The following CDKAL1 variants were observed in gnomAD, a reference collection of about 807,000 sequenced individuals.
The protein encoded by CDKAL1 is threonylcarbamoyladenosine tRNA methylthiotransferase.
A neutral mutation model predicts 68.2 loss-of-function variants in CDKAL1; 32 were observed. The ratio of observed to expected loss-of-function variants is 0.47; its 90% CI spans 0.35 to 0.63. The LOEUF (loss-of-function observed/expected upper bound fraction) is 0.63, where lower values mean the gene tolerates loss of function less well. Ranked by LOEUF, CDKAL1 falls within the 30% of genes least tolerant of loss-of-function variation. The pLI is 0.00. For synonymous variants in CDKAL1, 234 were observed against 244.3 expected, an observed-to-expected ratio of 0.96 and a Z score of 0.39; for missense variants, 606 against 696.7, an observed-to-expected ratio of 0.87 and a Z score of 1.47.
At chr6:20,893,168 C>T (rs1465196238) in intron 9 of CDKAL1, among the ~76,000 whole-genome samples, 1 of 152,198 alleles carries the variant, frequency 6.6e-6, no homozygotes, top group Non-Finnish European at 1.5e-5. Flanking sequence ...CTTGGCATCA[C>T]AAAAGAAGCG....
chr6:20,843,913 G>A (rs1581686099), intron 8 of CDKAL1, among the ~76,000 whole-genome samples: 1 of 152,280 alleles, frequency 6.6e-6, no homozygotes, highest in East Asian at 1.9e-4. Flanking sequence ...GTGAATGCCA[G>A]TCATACGTGG....
At chr6:21,141,141 A>G (rs996708185) in intron 13 of CDKAL1, among the ~76,000 whole-genome samples, 1 of 152,098 alleles carries the variant, frequency 6.6e-6, no homozygotes, top group Non-Finnish European at 1.5e-5. Flanking sequence ...CACAAGCCTT[A>G]TATTTCACCA....
chr6:20,568,727 T>A (rs1161965173), intron 4 of CDKAL1, among the ~76,000 whole-genome samples: 2 of 111,216 alleles, frequency 1.8e-5, no homozygotes, highest in African/African-American at 7.1e-5. Flanking sequence ...AGAGCGAGAC[T>A]CCGCCTCAAA....
intron 9 of CDKAL1, among the ~76,000 whole-genome samples, chr6:20,941,353 A>G (rs1158182178): frequency 6.6e-6 from 1 of 152,106 alleles, no homozygotes; most frequent in Non-Finnish European, 1.5e-5. Flanking sequence ...TTGAGTCACT[A>G]AATTGGCATT....
At chr6:20,815,621 A>G (rs1018483395) in intron 8 of CDKAL1, among the ~76,000 whole-genome samples, 1 of 152,016 alleles carries the variant, frequency 6.6e-6, no homozygotes, top group South Asian at 2.1e-4. Flanking sequence ...TACACTTAAA[A>G]AAAAATTAGT....
At chr6:21,107,248 A>G (rs929951180) in intron 12 of CDKAL1, among the ~76,000 whole-genome samples, 2 of 152,040 alleles carry the variant, frequency 1.3e-5, no homozygotes, top group Non-Finnish European at 2.9e-5. Flanking sequence ...TGCCCGGCCA[A>G]AAAAGCCACT....
chr6:20,738,485 G>GTTTTTT (rs71712438), intron 5 of CDKAL1, among the ~76,000 whole-genome samples: 5 of 119,646 alleles, frequency 4.2e-5, no homozygotes, highest in African/African-American at 9.5e-5. Context: ...CTACTTCTTA[G>GTTTTTT]TTTTTTTTTT....
At chr6:20,665,320 T>C (rs1769480545) in intron 5 of CDKAL1, among the ~76,000 whole-genome samples, 1 of 145,912 alleles carries the variant, frequency 6.9e-6, no homozygotes, top group Non-Finnish European at 1.5e-5. Context: ...CTGAATGTGA[T>C]TAATATAAGG....
intron 7 of CDKAL1, among the ~76,000 whole-genome samples, chr6:20,768,240 A>G (rs1181323697): frequency 6.6e-6 from 1 of 152,130 alleles, no homozygotes; most frequent in Non-Finnish European, 1.5e-5. Context: ...GCTATCTTTA[A>G]CAGCCCATAC....
intron 11 of CDKAL1, among the ~76,000 whole-genome samples, chr6:21,026,210 A>G (rs1438939514): frequency 1.3e-5 from 2 of 152,168 alleles, no homozygotes; most frequent in African/African-American, 2.4e-5. Flanking sequence ...ATATATTAAC[A>G]TTAGATAATA....
At chr6:20,579,845 T>G (rs545973684) in intron 4 of CDKAL1, among the ~76,000 whole-genome samples, 2 of 152,350 alleles carry the variant, frequency 1.3e-5, no homozygotes, top group Admixed American at 1.3e-4. Context: ...ACTGGGACTT[T>G]GATAATTTCT....
At chr6:21,043,173 G>T (rs1232359592) in intron 11 of CDKAL1, among the ~76,000 whole-genome samples, 1 of 152,152 alleles carries the variant, frequency 6.6e-6, no homozygotes, top group Non-Finnish European at 1.5e-5. Flanking sequence ...GCATCTTATT[G>T]TCTTTAGCAC....
chr6:21,008,804 T>C (rs1167755931), intron 11 of CDKAL1, among the ~76,000 whole-genome samples: 1 of 152,202 alleles, frequency 6.6e-6, no homozygotes, highest in East Asian at 1.9e-4. Flanking sequence ...TGAATGGCAC[T>C]TAACTCTGGA....
chr6:21,014,215 C>T (rs1441004554), intron 11 of CDKAL1, among the ~76,000 whole-genome samples: 1 of 152,188 alleles, frequency 6.6e-6, no homozygotes, highest in Non-Finnish European at 1.5e-5. Context: ...TTCTTCTGGA[C>T]ATCCATGTAT....
At chr6:20,919,066 T>C (rs1407052716) in intron 9 of CDKAL1, among the ~76,000 whole-genome samples, 2 of 152,148 alleles carry the variant, frequency 1.3e-5, no homozygotes, top group African/African-American at 2.4e-5. Context: ...AATACATCAA[T>C]AGTCATGTGG....
In CDKAL1 at chr6:20,781,139, T is replaced by C; in HGVS notation, c.518-6T>C. On this transcript the variant is annotated splice_polypyrimidine_tract_variant and splice_region_variant and intron_variant, in intron 7 of 15. Coordinates refer to ENST00000274695, the MANE Select transcript of CDKAL1 (RefSeq NM_017774.3). The stretch of plus-strand genomic sequence containing the variant: ...GCTAATGTATATTTATGTGCTTGAT[T>C]TGAAGGTCACTCTGTGAGACTGCTG... 1 of 1,612,136 alleles carries C rather than the reference T, an allele frequency of 6.2e-7. No individual in the cohort carries two copies. The highest frequency in any genetic ancestry group is 8.5e-7 in the Non-Finnish European group (1 of 1,179,520).
chr6:21,041,770 T>C (rs1769946382), intron 11 of CDKAL1, among the ~76,000 whole-genome samples: 1 of 152,182 alleles, frequency 6.6e-6, no homozygotes. Context: ...CTTTGGACTG[T>C]AATTTATGTG....
intron 9 of CDKAL1, among the ~76,000 whole-genome samples, chr6:20,880,199 C>G (rs190802483): frequency 6.2e-4 from 94 of 152,274 alleles, no homozygotes; most frequent in Middle Eastern, 3.4e-3. Context: ...GCGAGATAAT[C>G]GTAAGTAAGC....
intron 5 of CDKAL1, among the ~76,000 whole-genome samples, chr6:20,721,725 G>GTTTTTTTTTTTTTTTTTTTTTTTTTT (rs145893325): frequency 1.5e-5 from 1 of 67,376 alleles, no homozygotes; most frequent in Non-Finnish European, 2.7e-5. Context: ...ACCAACTTCT[G>GTTTTTTTTTTTTTTTTTTTTTTTTTT]TTTTTTTTTT....
Sources: allele counts gnomAD v4.1 joint callset (sites outside exome capture counted in the v4.1 genomes callset), GRCh38; gene constraint gnomAD v4.1.1; transcripts MANE v1.5; gene names NCBI Gene and HGNC (gene_info 2026-07-23, HGNC 2026-07-21).